The following COG5 variants were observed in gnomAD, a reference collection of about 807,000 sequenced individuals.
The protein encoded by COG5 is conserved oligomeric Golgi complex subunit 5.
In COG5, 86 loss-of-function variants were observed where a neutral mutation model predicts 110.4. The ratio of observed to expected loss-of-function variants is 0.78; its 90% confidence interval spans 0.65 to 0.93. The LOEUF (loss-of-function observed/expected upper bound fraction) is 0.93. Among genes scored for constraint, COG5 ranks in the 40% least tolerant of loss-of-function variants. The probability of loss-of-function intolerance (pLI) is 0.00; values close to 1 mark genes in which losing one functional copy is unlikely to be tolerated. For synonymous variants in COG5, 360 were observed against 334.6 expected, an observed-to-expected ratio of 1.08 and a Z score of -0.83; for missense variants, 1,077 against 987.0, an observed-to-expected ratio of 1.09 and a Z score of -1.22.
chr7:107,427,683 C>A (rs895783720), intron 6 of COG5, among the ~76,000 whole-genome samples: 1 of 152,068 alleles, frequency 6.6e-6, no homozygotes, highest in Non-Finnish European at 1.5e-5. Flanking sequence ...ATCCTACCCA[C>A]TCAGCCCACT....
chr7:107,332,986 A>G (rs1016457471), intron 10 of COG5, among the ~76,000 whole-genome samples: 1 of 152,096 alleles, frequency 6.6e-6, no homozygotes, highest in African/African-American at 2.4e-5. Flanking sequence ...AAGCAATACA[A>G]TTTTTTTGGT....
chr7:107,479,801 C>T (rs528367399), intron 6 of COG5, among the ~76,000 whole-genome samples: 2 of 152,018 alleles, frequency 1.3e-5, no homozygotes, highest in Non-Finnish European at 2.9e-5. Context: ...TTCGAATTGA[C>T]GTTTTAAATT....
chr7:107,335,264 C>A (rs1023564282), intron 10 of COG5, among the ~76,000 whole-genome samples: 8 of 152,112 alleles, frequency 5.3e-5, no homozygotes, highest in African/African-American at 1.9e-4. Flanking sequence ...GTGGTGTGCA[C>A]CTGTAATCCC....
intron 6 of COG5, among the ~76,000 whole-genome samples, chr7:107,480,426 T>G (rs2129119394): frequency 6.6e-6 from 1 of 152,220 alleles, no homozygotes; most frequent in South Asian, 2.1e-4. Context: ...TGCAGTGAAC[T>G]CTAAGAAAGT....
chr7:107,473,011 A>G (rs1017079945), intron 6 of COG5: 8 of 151,976 alleles, frequency 5.3e-5, no homozygotes, highest in African/African-American at 1.7e-4. Context: ...AATTAGCAAA[A>G]GCGTTTGTAT....
intron 19 of COG5, among the ~76,000 whole-genome samples, chr7:107,220,699 A>G (rs1181997520): frequency 6.6e-6 from 1 of 152,172 alleles, no homozygotes; most frequent in African/African-American, 2.4e-5. Context: ...TATTGCAGGG[A>G]AAAAGTGTAA....
At chr7:107,402,818 T>A (rs1323020692) in intron 7 of COG5, among the ~76,000 whole-genome samples, 1 of 152,234 alleles carries the variant, frequency 6.6e-6, no homozygotes, top group Non-Finnish European at 1.5e-5. Context: ...GAAGATGTGC[T>A]CTACATCACC....
chr7:107,238,333 T>G (rs1801357812), intron 17 of COG5, among the ~76,000 whole-genome samples: 1 of 152,240 alleles, frequency 6.6e-6, no homozygotes, highest in African/African-American at 2.4e-5. Flanking sequence ...CCTGTCTTTC[T>G]GAAGGCTGGA....
chr7:107,541,056 C>T (rs1371301174), intron 5 of COG5, among the ~76,000 whole-genome samples: 1 of 151,038 alleles, frequency 6.6e-6, no homozygotes, highest in African/African-American at 2.4e-5. Flanking sequence ...GAGGTTTAGG[C>T]AGGAGAATCA....
chr7:107,552,142 G>A (rs1802941779), intron 3 of COG5, among the ~76,000 whole-genome samples: 1 of 152,100 alleles, frequency 6.6e-6, no homozygotes, highest in Non-Finnish European at 1.5e-5. Flanking sequence ...AAATATTTCT[G>A]TTGCGGTGAT....
intron 5 of COG5, among the ~76,000 whole-genome samples, chr7:107,539,571 T>G (rs1801829746): frequency 6.6e-6 from 1 of 152,180 alleles, no homozygotes; most frequent in Non-Finnish European, 1.5e-5. Context: ...TAACTGCTAA[T>G]GGGCATAGAG....
In COG5 at chr7:107,258,447, C is replaced by G. The variant is rs537235593; in HGVS notation, c.1576-64G>C. 14 of 899,346 alleles carry G rather than the reference C, an allele frequency of 1.6e-5. No individual in the cohort carries two copies. The East Asian group carries it at 3.4e-4, about 22-fold the overall frequency. 55.7% of individuals were successfully genotyped at this position (899,346 alleles called of 1,614,324 possible). On this transcript the variant is annotated intron_variant, in intron 14 of 21. Transcript: ENST00000297135. ...TAATTCTCTCTCTCTCTCTCTCTCTCTCTCACACACACACATACACACACA... is the reference window on the plus strand; with the variant it reads ...TAATTCTCTCTCTCTCTCTCTCTCTGTCTCACACACACACATACACACACA...
chr7:107,531,351 G>A (rs910937244), intron 5 of COG5, among the ~76,000 whole-genome samples: 1 of 152,082 alleles, frequency 6.6e-6, no homozygotes, highest in African/African-American at 2.4e-5. Context: ...AGAGATGTAT[G>A]ATTTTCTCTC....
chr7:107,249,689 A>ATT (rs1802332292), intron 16 of COG5, among the ~76,000 whole-genome samples: 1 of 99,758 alleles, frequency 1.0e-5, no homozygotes, highest in Admixed American at 1.1e-4. Context: ...AACGTACAGG[A>ATT]TTGTGTGTGT....
At chr7:107,454,074 T>C (rs1346875574) in intron 6 of COG5, among the ~76,000 whole-genome samples, 1 of 152,100 alleles carries the variant, frequency 6.6e-6, no homozygotes, top group Non-Finnish European at 1.5e-5. Flanking sequence ...ACTAATTCAA[T>C]ATGACAAAAG....
intron 11 of COG5, among the ~76,000 whole-genome samples, chr7:107,299,707 T>C (rs1404708676): frequency 1.3e-5 from 2 of 151,156 alleles, no homozygotes; most frequent in African/African-American, 4.8e-5. Context: ...CAAAACAATA[T>C]TCCTTATCAA....
At chr7:107,318,536 T>G (rs897032636) in intron 11 of COG5, among the ~76,000 whole-genome samples, 4 of 152,214 alleles carry the variant, frequency 2.6e-5, no homozygotes, top group Non-Finnish European at 5.9e-5. Context: ...TTGTTTTTGA[T>G]TTTTTGGCTT....
At chr7:107,525,291 G>A (rs372685865) in intron 6 of COG5, among the ~76,000 whole-genome samples, 16 of 151,526 alleles carry the variant, frequency 1.1e-4, no homozygotes, top group East Asian at 5.8e-4. Context: ...GTCAATTATA[G>A]AAGAAATTAT....
intron 6 of COG5, among the ~76,000 whole-genome samples, chr7:107,509,393 C>G (rs534711989): frequency 1.3e-5 from 2 of 152,262 alleles, no homozygotes; most frequent in South Asian, 2.1e-4. Flanking sequence ...AAATATGGGA[C>G]TATGTGAAAA....
Sources: allele counts gnomAD v4.1 joint callset (sites outside exome capture counted in the v4.1 genomes callset), GRCh38; gene constraint gnomAD v4.1.1; transcripts MANE v1.5; gene names NCBI Gene and HGNC (gene_info 2026-07-23, HGNC 2026-07-21).